Variants in ADGRA3 observed in about 807,000 individuals in gnomAD.
ADGRA3 encodes the protein G-protein coupled receptor 125.
ADGRA3 carries 56 observed loss-of-function variants against 119.8 expected under a neutral mutation model. The observed-to-expected ratio is 0.47, with a 90% CI of 0.38 to 0.58. ADGRA3 has a LOEUF of 0.58. Among genes scored for constraint, ADGRA3 ranks in the 20% least tolerant of loss-of-function variants. The pLI, the probability that ADGRA3 is intolerant of heterozygous loss-of-function variation, is 0.00. For missense variants in ADGRA3, 1,516 were observed against 1,649.0 expected (o/e 0.92, Z 1.40); for synonymous variants, 607 against 623.8 (o/e 0.97, Z 0.40).
chr4:22,497,216 G>C (rs1176705768), intron 1 of ADGRA3, among the ~76,000 whole-genome samples: 1 of 152,104 alleles, frequency 6.6e-6, no homozygotes, highest in African/African-American at 2.4e-5. Context: ...AGAAGGTGGG[G>C]GGAAATGCAG....
intron 1 of ADGRA3, among the ~76,000 whole-genome samples, chr4:22,476,546 T>C (rs965459589): frequency 6.6e-6 from 1 of 152,234 alleles, no homozygotes; most frequent in African/African-American, 2.4e-5. Flanking sequence ...TATCCTTGAT[T>C]GACAATATAT....
intron 1 of ADGRA3, among the ~76,000 whole-genome samples, chr4:22,506,960 A>G (rs1262490947): frequency 6.6e-6 from 1 of 152,128 alleles, no homozygotes; most frequent in African/African-American, 2.4e-5. Context: ...ATACTCGGCC[A>G]GGTGCAGTGG....
intron 12 of ADGRA3, chr4:22,414,206 A>G (rs1193353726): frequency 4.7e-6 from 1 of 211,092 alleles, no homozygotes; most frequent in Non-Finnish European, 9.4e-6. Flanking sequence ...CATATCATAA[A>G]TATGAGTATA....
chr4:22,451,703 G>A (rs1717051042), intron 4 of ADGRA3, among the ~76,000 whole-genome samples: 2 of 152,096 alleles, frequency 1.3e-5, no homozygotes, highest in African/African-American at 4.8e-5. Context: ...GTCCGCCAAG[G>A]TCTCATCATC....
chr4:22,397,966 C>T (rs1459093951), intron 16 of ADGRA3: 11 of 515,380 alleles, frequency 2.1e-5, no homozygotes, highest in Middle Eastern at 2.0e-3. Flanking sequence ...ACAGAATCTC[C>T]GAAACAGTAA....
intron 16 of ADGRA3, chr4:22,398,162 G>A (rs1331471917): frequency 2.1e-6 from 2 of 974,248 alleles, no homozygotes; most frequent in Admixed American, 6.2e-5. Flanking sequence ...ATATCACACA[G>A]ATGAGAGGTA....
At chr4:22,445,199 T>C in intron 5 of ADGRA3, 66 bp from the exon 6 acceptor site, 6 of 1,424,792 alleles carry the variant, frequency 4.2e-6, no homozygotes, top group South Asian at 2.4e-5. Flanking sequence ...TTGTTTTATA[T>C]TGGGTTACAT....
intron 16 of ADGRA3, chr4:22,393,461 C>T (rs1389374811): frequency 6.6e-6 from 1 of 152,150 alleles, no homozygotes; most frequent in Non-Finnish European, 1.5e-5. Flanking sequence ...AGCTTTTATA[C>T]ACTGTAACAA....
intron 3 of ADGRA3, among the ~76,000 whole-genome samples, chr4:22,456,184 G>GT (rs201281652): frequency 2.6e-5 from 4 of 151,902 alleles, no homozygotes; most frequent in South Asian, 2.1e-4. Context: ...TAACTCGTTT[G>GT]TTTTTTTTCC....
At chr4:22,512,579 C>G (rs1719485317) in intron 1 of ADGRA3, among the ~76,000 whole-genome samples, 1 of 152,076 alleles carries the variant, frequency 6.6e-6, no homozygotes, top group South Asian at 2.1e-4. Context: ...AATTCAGTAA[C>G]TGGTATCCTT....
At chr4:22,414,845 C>T (rs946196862) in intron 12 of ADGRA3, among the ~76,000 whole-genome samples, 2 of 152,148 alleles carry the variant, frequency 1.3e-5, no homozygotes, top group Admixed American at 6.6e-5. Context: ...AGCATCTCTA[C>T]CTGAAATGCT....
intron 10 of ADGRA3, among the ~76,000 whole-genome samples, chr4:22,428,181 A>T (rs1301079309): frequency 6.6e-6 from 1 of 152,286 alleles, no homozygotes; most frequent in South Asian, 2.1e-4. Context: ...TGAAGACATA[A>T]TATCTATGTG....
At chr4:22,475,165 T>C (rs78327719) in intron 1 of ADGRA3, among the ~76,000 whole-genome samples, 1 of 152,152 alleles carries the variant, frequency 6.6e-6, no homozygotes, top group South Asian at 2.1e-4. Flanking sequence ...ATGTTGACTT[T>C]AGGCGAGTCA....
At chr4:22,508,391 T>C (rs1157191162) in intron 1 of ADGRA3, among the ~76,000 whole-genome samples, 3 of 152,152 alleles carry the variant, frequency 2.0e-5, no homozygotes, top group Admixed American at 1.3e-4. Flanking sequence ...AGCAAATAAT[T>C]TGTATAAAAG....
chr4:22,463,012 T>A (rs531691294), intron 2 of ADGRA3, among the ~76,000 whole-genome samples: 1 of 152,276 alleles, frequency 6.6e-6, no homozygotes, highest in African/African-American at 2.4e-5. Flanking sequence ...ACTTCCGCTT[T>A]ATGGGACACC....
intron 1 of ADGRA3, among the ~76,000 whole-genome samples, chr4:22,489,676 C>A (rs1718555872): frequency 6.6e-6 from 1 of 152,064 alleles, no homozygotes; most frequent in Non-Finnish European, 1.5e-5. Flanking sequence ...TTCAAGTTTC[C>A]AAACAGACAT....
At chr4:22,450,038 C>T (rs371460594) in intron 4 of ADGRA3, among the ~76,000 whole-genome samples, 3 of 152,110 alleles carry the variant, frequency 2.0e-5, no homozygotes, top group East Asian at 1.9e-4. Flanking sequence ...TATGGCTGAA[C>T]ACAAGTGAAG....
chr4:22,433,575 G>A (rs1716270762), intron 10 of ADGRA3, among the ~76,000 whole-genome samples: 1 of 152,094 alleles, frequency 6.6e-6, no homozygotes, highest in African/African-American at 2.4e-5. Flanking sequence ...CTCTTCCACA[G>A]GCTGGCAAAC....
intron 1 of ADGRA3, among the ~76,000 whole-genome samples, chr4:22,503,912 C>T (rs1321781202): frequency 6.6e-6 from 1 of 152,144 alleles, no homozygotes; most frequent in African/African-American, 2.4e-5. Flanking sequence ...TGTGTGGAGA[C>T]ATCTTAGCCT....
Sources: allele counts gnomAD v4.1 joint callset (sites outside exome capture counted in the v4.1 genomes callset), GRCh38; gene constraint gnomAD v4.1.1; transcripts MANE v1.5; gene names NCBI Gene and HGNC (gene_info 2026-07-23, HGNC 2026-07-21).